ANKRD55: variants seen among roughly 807,000 people sequenced by gnomAD.
The protein encoded by ANKRD55 is ankyrin repeat domain-containing protein 55.
ANKRD55 carries 41 observed loss-of-function variants against 60.6 expected under a neutral mutation model. The ratio of observed to expected loss-of-function variants is 0.68; its 90% CI spans 0.53 to 0.88. The LOEUF is 0.88. Among genes scored for constraint, ANKRD55 ranks in the 40% least tolerant of loss-of-function variants. ANKRD55 has a pLI of 0.00. For synonymous variants in ANKRD55, 264 were observed against 290.3 expected (o/e 0.91, Z 0.92); for missense variants, 732 against 767.6 (o/e 0.95, Z 0.55).
At chr5:56,189,759 TA>T (rs1211881066) in intron 2 of ANKRD55, among the ~76,000 whole-genome samples, 1 of 152,238 alleles carries the variant, frequency 6.6e-6, no homozygotes, top group Non-Finnish European at 1.5e-5. Flanking sequence ...ATCTTTTGGC[TA>T]TTGTGAATAA....
intron 10 of ANKRD55, among the ~76,000 whole-genome samples, chr5:56,107,841 C>T (rs1756532251): frequency 6.6e-6 from 1 of 151,850 alleles, no homozygotes; most frequent in Non-Finnish European, 1.5e-5. Context: ...GAACTGCCTA[C>T]TTCAGACTTC....
chr5:56,184,424 T>C (rs1266884389), intron 2 of ANKRD55, among the ~76,000 whole-genome samples: 1 of 152,186 alleles, frequency 6.6e-6, no homozygotes, highest in Non-Finnish European at 1.5e-5. Flanking sequence ...CCTAGTTCAT[T>C]CTTTCAGCCC....
intron 2 of ANKRD55, among the ~76,000 whole-genome samples, chr5:56,225,680 T>G (rs1760093357): frequency 6.6e-6 from 1 of 152,170 alleles, no homozygotes; most frequent in Non-Finnish European, 1.5e-5. Context: ...AGCATTCTTA[T>G]ACACCAACAA....
At chr5:56,167,747 A>G (rs938595965) in intron 5 of ANKRD55, among the ~76,000 whole-genome samples, 1 of 152,184 alleles carries the variant, frequency 6.6e-6, no homozygotes, top group Non-Finnish European at 1.5e-5. Context: ...GTACAGTTTC[A>G]AGAGAGGGGA....
chr5:56,202,826 G>A (rs1428385996), intron 2 of ANKRD55, among the ~76,000 whole-genome samples: 1 of 152,152 alleles, frequency 6.6e-6, no homozygotes, highest in African/African-American at 2.4e-5. Context: ...GGTTTTCTGA[G>A]CTGTGAATGG....
intron 8 of ANKRD55, among the ~76,000 whole-genome samples, chr5:56,124,445 T>C (rs898576713): frequency 1.3e-5 from 2 of 152,202 alleles, no homozygotes; most frequent in Admixed American, 6.5e-5. Context: ...ATCACAATTA[T>C]TGTAAATACT....
At position 56,111,480 on chromosome 5, in the gene ANKRD55, G is replaced by A. The variant is rs1207825919; in HGVS notation, c.1268C>T (p.Pro423Leu). 1.9e-6 allele frequency: 3 copies of A among 1,614,108 alleles called. No homozygotes were observed. Among genetic ancestry groups the A allele is most frequent in the Non-Finnish European group, 2.5e-6 (3 of 1,180,018 alleles). ...TGGTGGAAGCCCCTTACGGGCCAGC[G>A]GTTTCTTTTCTGGTAAGAGATATTT... ...NSKYLLPEKKPLARKGLPPIR... is the reference protein window; with the variant it reads ...NSKYLLPEKKLLARKGLPPIR... Residue 423 changes from proline to leucine, a missense_variant, in exon 10 of 12, where the codon CCG becomes CTG. By Grantham distance (98) the Pro-to-Leu change is moderately conservative. Coordinates refer to ENST00000341048, the MANE Select transcript of ANKRD55 (RefSeq NM_024669.3).
In ANKRD55 at chr5:56,111,328, G is replaced by A. The variant is rs1223975152; in HGVS notation, c.1420C>T (p.Arg474Ter). Reference protein sequence around the residue: ...HHMAQRSQKSRSEQDLLNNRT... With the variant: ...HHMAQRSQKS ...TTATTTAATAAATCCTGCTCACTTC[G>A]ACTTTTCTGAGATCGCTGGGCCATA... The change falls in exon 10 of 12, where the codon CGA (arginine) becomes TGA (stop). Residue 474 changes from arginine (R) to a stop codon, truncating the protein, a stop_gained. Coordinates refer to ENST00000341048, the MANE Select transcript of ANKRD55 (RefSeq NM_024669.3). LOFTEE classifies it high-confidence loss of function. The A allele has an allele frequency of 2.5e-6, 4 of 1,614,062 alleles. No individual in the cohort carries two copies. Among genetic ancestry groups the A allele is most frequent in the South Asian group, 1.1e-5 (1 of 91,078 alleles).
At chr5:56,127,242 T>C (rs1055949766) in intron 7 of ANKRD55, 136 bp from the exon 8 acceptor site, 7 of 1,294,878 alleles carry the variant, frequency 5.4e-6, no homozygotes, top group Non-Finnish European at 5.9e-6. Flanking sequence ...GAAAAGGAAA[T>C]GGAAAAAAAA....
intron 10 of ANKRD55, among the ~76,000 whole-genome samples, chr5:56,105,673 C>G (rs1011765783): frequency 3.3e-5 from 5 of 152,236 alleles, no homozygotes; most frequent in South Asian, 4.1e-4. Flanking sequence ...ATGACCATGC[C>G]GTGAGGTCTG....
At chr5:56,121,066 C>A (rs370874542) in intron 8 of ANKRD55, among the ~76,000 whole-genome samples, 1 of 152,056 alleles carries the variant, frequency 6.6e-6, no homozygotes, top group East Asian at 1.9e-4. Context: ...GCCAAGATGG[C>A]GCCCGTGCCC....
chr5:56,202,366 C>G (rs975610931), intron 2 of ANKRD55, among the ~76,000 whole-genome samples: 1 of 151,946 alleles, frequency 6.6e-6, no homozygotes, highest in Non-Finnish European at 1.5e-5. Context: ...CAAATTACTA[C>G]TTTGACATTG....
chr5:56,129,858 A>T (rs1757364449), intron 7 of ANKRD55, among the ~76,000 whole-genome samples: 1 of 152,192 alleles, frequency 6.6e-6, no homozygotes, highest in Non-Finnish European at 1.5e-5. Flanking sequence ...GCAGCCGCTT[A>T]TCCCTCCTAA....
intron 3 of ANKRD55, 92 bp downstream of exon 3, chr5:56,183,420 G>T (rs1020851206): frequency 6.6e-7 from 1 of 1,516,668 alleles, no homozygotes; most frequent in Non-Finnish European, 9.0e-7. Context: ...TGGCTGGTCA[G>T]ATATACATTT....
chr5:56,111,753 T>C lies in ANKRD55; in HGVS notation c.995A>G (p.Gln332Arg). Residue 332 changes from glutamine to arginine, a missense_variant, in exon 10 of 12, where the codon CAG becomes CGG. By Grantham distance (43) the Gln-to-Arg change is conservative. Around this residue, in one of 3 missense-constraint regions of ANKRD55, gnomAD observed 597 missense variants for 607.5 expected, o/e 0.98. Transcript: ENST00000341048. ...RTEPTRPPPS[Q>R]SSRPQKKERR... ...CTCCTTCTTCTGGGGCCGACTGCTCTGGGAGGGAGGGGGTCGAGTAGGCTC... is the reference window on the plus strand; with the variant it reads ...CTCCTTCTTCTGGGGCCGACTGCTCCGGGAGGGAGGGGGTCGAGTAGGCTC... 1 of 1,513,962 alleles carries C rather than the reference T, an allele frequency of 6.6e-7. No individual in the cohort carries two copies. Among genetic ancestry groups the C allele is most frequent in the Non-Finnish European group, 8.8e-7 (1 of 1,135,724 alleles). The allele number at this position is 1,513,962 out of a possible 1,614,324, so 93.8% of individuals were successfully genotyped here. A position where few individuals can be genotyped will look rare whatever the true frequency, so the allele number is the denominator to read the frequency against.
intron 6 of ANKRD55, among the ~76,000 whole-genome samples, chr5:56,151,742 G>C (rs1237930969): frequency 6.6e-6 from 1 of 151,940 alleles, no homozygotes; most frequent in South Asian, 2.1e-4. Context: ...GAACCCAAGA[G>C]GCGGAGGTTG....
intron 8 of ANKRD55, among the ~76,000 whole-genome samples, chr5:56,118,193 C>T (rs1037665119): frequency 1.3e-5 from 2 of 151,984 alleles, no homozygotes; most frequent in African/African-American, 4.8e-5. Flanking sequence ...AAAATATTCA[C>T]CAGTATTTAA....
chr5:56,227,463 T>C (rs1760147275), intron 2 of ANKRD55, among the ~76,000 whole-genome samples: 2 of 152,082 alleles, frequency 1.3e-5, no homozygotes, highest in Admixed American at 1.3e-4. Flanking sequence ...ACTGTGCATA[T>C]GTACCCTAGA....
intron 7 of ANKRD55, chr5:56,127,457 T>G (rs1757301993): frequency 1.0e-6 from 1 of 984,816 alleles, no homozygotes; most frequent in Non-Finnish European, 1.2e-6. Context: ...GCTCATTAGG[T>G]CTGATCATTT....
Sources: gnomAD v4.1 joint callset for allele counts (sites outside exome capture counted in the v4.1 genomes callset) on GRCh38, gnomAD v4.1.1 for gene constraint, gnomAD v4.1.1 regional missense constraint, MANE v1.5 for transcripts, NCBI Gene and HGNC (gene_info 2026-07-23, HGNC 2026-07-21) for gene names.